The following EPB41L4B variants were observed in gnomAD, a reference collection of about 807,000 sequenced individuals.
EPB41L4B encodes the protein band 4.1-like protein 4B.
In EPB41L4B, 30 loss-of-function variants were observed where a neutral mutation model predicts 112.5. The ratio of observed to expected loss-of-function variants is 0.27; its 90% CI spans 0.20 to 0.36. EPB41L4B has a LOEUF of 0.36. Among genes scored for constraint, EPB41L4B ranks in the 10% least tolerant of loss-of-function variants. The probability of loss-of-function intolerance (pLI) is 1.00; values close to 1 mark genes in which losing one functional copy is unlikely to be tolerated. For missense variants in EPB41L4B, 1,024 were observed against 1,133.3 expected, an observed-to-expected ratio of 0.90 and a Z score of 1.38; for synonymous variants, 408 against 439.7, an observed-to-expected ratio of 0.93 and a Z score of 0.90.
rs1200298841 is a variant in EPB41L4B, at chr9:109,320,303, CGAG to C, written c.141_143del (p.Ser48del). The C allele has an allele frequency of 5.7e-6, 6 of 1,050,646 alleles. No individual in the cohort carries two copies. In the East Asian group the frequency reaches 3.7e-4, roughly 64 times the overall value. 65.1% of individuals were successfully genotyped at this position (1,050,646 alleles called of 1,614,324 possible). A position where few individuals can be genotyped will look rare whatever the true frequency, so the allele number is the denominator to read the frequency against. On this transcript the variant is annotated inframe_deletion, in exon 1 of 26. Transcript: ENST00000374566. ...TGCCCCCGGGCGCGGCGGGCAGCGC[CGAG>C]GAGGAGGCGGCGGCGGCCGGGCCCC... is the stretch of plus-strand genomic sequence containing the variant.
intron 1 of EPB41L4B, among the ~76,000 whole-genome samples, chr9:109,282,748 T>G (rs1392998574): frequency 6.6e-6 from 1 of 152,124 alleles, no homozygotes; most frequent in Non-Finnish European, 1.5e-5. Context: ...TGGAGTGCAG[T>G]GGTGCAATCT....
chr9:109,239,576 G>A lies in EPB41L4B; in HGVS notation c.1409+4042C>T, dbSNP rs565669322. Among the ~76,000 whole-genome samples the A allele has an allele frequency of 3.3e-5, 5 of 152,294 alleles. No homozygotes were observed. In the South Asian group the frequency reaches 1.0e-3, roughly 32 times the overall value. On this transcript the variant is annotated intron_variant, in intron 15 of 25. Coordinates refer to ENST00000374566, the MANE Select transcript of EPB41L4B (RefSeq NM_019114.5). Reference sequence around the variant, plus strand: ...CAACAGGTAATAGGATGGCAGAAAAGGAGGCTGTTAAGACTGAACTGGTCA... The same window carrying A: ...CAACAGGTAATAGGATGGCAGAAAAAGAGGCTGTTAAGACTGAACTGGTCA...
At chr9:109,211,469 C>A (rs540125079) in intron 17 of EPB41L4B, among the ~76,000 whole-genome samples, 92 of 151,522 alleles carry the variant, frequency 6.1e-4, no homozygotes, top group African/African-American at 2.2e-3. Context: ...GTGGTGCGTG[C>A]CTGTAATCTC....
intron 6 of EPB41L4B, among the ~76,000 whole-genome samples, chr9:109,262,297 AC>A (rs980692068): frequency 1.1e-4 from 17 of 152,120 alleles, no homozygotes; most frequent in African/African-American, 4.1e-4. Context: ...GGGACCCAAC[AC>A]AGACCATTTC....
In EPB41L4B at chr9:109,271,468, T is replaced by C. The variant is rs796199793; in HGVS notation, c.412-3035A>G. ...ATGAGAGATGACAAAACCTATCTTG[T>C]ATCCAACCAGTTCAAAATGATCTGA... is the stretch of plus-strand genomic sequence containing the variant. On this transcript the variant is annotated intron_variant, in intron 2 of 25. Coordinates refer to ENST00000374566, the MANE Select transcript of EPB41L4B (RefSeq NM_019114.5). Among the ~76,000 whole-genome samples, 3 of 152,212 alleles carry C rather than the reference T, an allele frequency of 2.0e-5. 1 individual carries two copies. The highest frequency in any genetic ancestry group is 4.1e-4 in the South Asian group (2 of 4,836).
chr9:109,305,074 G>A (rs1278910554), intron 1 of EPB41L4B, among the ~76,000 whole-genome samples: 2 of 151,936 alleles, frequency 1.3e-5, no homozygotes, highest in African/African-American at 4.8e-5. Flanking sequence ...GGTCAATAAT[G>A]CCATCTATTG....
At chr9:109,207,325 T>A (rs1833019370) in intron 18 of EPB41L4B, among the ~76,000 whole-genome samples, 1 of 152,038 alleles carries the variant, frequency 6.6e-6, no homozygotes, top group Non-Finnish European at 1.5e-5. Flanking sequence ...ATCCCAGTAC[T>A]TTAGGAGGCT....
chr9:109,182,259 C>G (rs558654520), intron 24 of EPB41L4B, among the ~76,000 whole-genome samples: 1 of 152,118 alleles, frequency 6.6e-6, no homozygotes, highest in Non-Finnish European at 1.5e-5. Flanking sequence ...TTGATACATG[C>G]GTGGATGAAC....
chr9:109,221,401 A>C (rs1316189689), intron 15 of EPB41L4B, among the ~76,000 whole-genome samples: 1 of 152,218 alleles, frequency 6.6e-6, no homozygotes, highest in Admixed American at 6.5e-5. Context: ...CTGGGAGCTC[A>C]TAACAGAGAA....
chr9:109,250,215 C>T (rs558600942), intron 13 of EPB41L4B, among the ~76,000 whole-genome samples: 15 of 152,256 alleles, frequency 9.9e-5, no homozygotes, highest in African/African-American at 1.9e-4. Context: ...AAAAAGAAAA[C>T]GGAGGCCCAG....
chr9:109,297,032 A>T (rs1836756381), intron 1 of EPB41L4B, among the ~76,000 whole-genome samples: 1 of 152,076 alleles, frequency 6.6e-6, no homozygotes, highest in Non-Finnish European at 1.5e-5. Flanking sequence ...CAGGGCTTTT[A>T]AAGAGGTAAC....
Position 109,255,757 on chromosome 9 carries a change from A to C in EPB41L4B, c.999+17T>G. On this transcript the variant is annotated intron_variant, in intron 10 of 25. Transcript: ENST00000374566. The stretch of plus-strand genomic sequence containing the variant: ...GGATTTTCACAGCAAGGGGGAAGAA[A>C]TGGGAGCCAGGCCTACCTGATCATC... 6.2e-7 allele frequency: 1 copy of C among 1,612,938 alleles called. No individual in the cohort carries two copies. The highest frequency in any genetic ancestry group is 1.3e-5 in the African/African-American group (1 of 75,000).
At chr9:109,281,687 A>C (rs1836051501) in intron 1 of EPB41L4B, among the ~76,000 whole-genome samples, 1 of 57,038 alleles carries the variant, frequency 1.8e-5, no homozygotes, top group Non-Finnish European at 3.3e-5. Context: ...CCGTCTCATA[A>C]ATAAATAAAT....
chr9:109,279,667 T>C (rs1208633545), intron 2 of EPB41L4B, 150 bp downstream of exon 2: 2 of 660,088 alleles, frequency 3.0e-6, no homozygotes, highest in Middle Eastern at 2.6e-4. Flanking sequence ...GCATGGCACT[T>C]GGGCACCACA....
intron 19 of EPB41L4B, among the ~76,000 whole-genome samples, chr9:109,203,047 A>G (rs1045689795): frequency 2.0e-5 from 3 of 152,186 alleles, no homozygotes; most frequent in Admixed American, 2.0e-4. Flanking sequence ...CCAGTTACTC[A>G]GGAGGCTGAG....
chr9:109,234,984 A>C (rs906570078), intron 15 of EPB41L4B, among the ~76,000 whole-genome samples: 4 of 152,360 alleles, frequency 2.6e-5, no homozygotes, highest in African/African-American at 9.6e-5. Context: ...ATGAAATCCC[A>C]AATTAGACAA....
chr9:109,229,579 ACTCACAG>A (rs2118900608), intron 15 of EPB41L4B, among the ~76,000 whole-genome samples: 1 of 152,206 alleles, frequency 6.6e-6, no homozygotes, highest in African/African-American at 2.4e-5. Flanking sequence ...CACACAGTAG[ACTCACAG>A]GTAGCACACA....
At chr9:109,249,275 A>C (rs1437375900) in intron 13 of EPB41L4B, among the ~76,000 whole-genome samples, 1 of 151,880 alleles carries the variant, frequency 6.6e-6, no homozygotes, top group African/African-American at 2.4e-5. Flanking sequence ...GCTCTGAACC[A>C]GATCACCTCT....
At chr9:109,241,295 A>T in intron 15 of EPB41L4B, 1 of 1,003,912 alleles carries the variant, frequency 1.0e-6, no homozygotes, top group Non-Finnish European at 1.2e-6. Flanking sequence ...AACTTCTACG[A>T]CAGGAATATA....
Sources: allele counts gnomAD v4.1 joint callset (sites outside exome capture counted in the v4.1 genomes callset), GRCh38; gene constraint gnomAD v4.1.1; transcripts MANE v1.5; gene names NCBI Gene and HGNC (gene_info 2026-07-23, HGNC 2026-07-21).